Variants in RANBP17 observed in about 807,000 individuals in gnomAD.
RANBP17 encodes RAN binding protein 17, also known as ran-binding protein 17.
In RANBP17, 158 loss-of-function variants were observed where a neutral mutation model predicts 141.2. That is an observed-to-expected ratio of 1.12 (90% CI 0.98 to 1.28). The LOEUF (loss-of-function observed/expected upper bound fraction) is 1.28. Ranked by LOEUF, RANBP17 falls within the 50% of genes most tolerant of loss-of-function variation. The pLI, the probability that RANBP17 is intolerant of heterozygous loss-of-function variation, is 0.00. For synonymous variants in RANBP17, 430 were observed against 450.0 expected (o/e 0.96, Z 0.56); for missense variants, 1,438 against 1,290.7 (o/e 1.11, Z -1.75).
At chr5:170,865,305 C>T (rs914772414) in intron 1 of RANBP17, among the ~76,000 whole-genome samples, 22 of 152,084 alleles carry the variant, frequency 1.4e-4, no homozygotes, top group Admixed American at 7.2e-4. Flanking sequence ...TCAGGTGATC[C>T]GCCCACTTCG....
At chr5:171,283,600 G>A (rs1251875938) in intron 25 of RANBP17, among the ~76,000 whole-genome samples, 1 of 152,134 alleles carries the variant, frequency 6.6e-6, no homozygotes, top group East Asian at 1.9e-4. Flanking sequence ...TTTCTGAAGG[G>A]TCCCATGAAT....
chr5:171,251,990 G>T, intron 24 of RANBP17: 1 of 1,609,498 alleles, frequency 6.2e-7, no homozygotes, highest in Non-Finnish European at 8.5e-7. Flanking sequence ...CTTTATTTTT[G>T]TCGTCCATTT....
At chr5:171,197,665 A>G (rs1762051125) in intron 18 of RANBP17, among the ~76,000 whole-genome samples, 2 of 152,202 alleles carry the variant, frequency 1.3e-5, no homozygotes, top group South Asian at 2.1e-4. Flanking sequence ...TAGTTGTGGT[A>G]TAATGTAAGT....
chr5:170,932,272 T>C (rs995323241), intron 12 of RANBP17, among the ~76,000 whole-genome samples: 1 of 152,228 alleles, frequency 6.6e-6, no homozygotes, highest in Non-Finnish European at 1.5e-5. Context: ...CCTGAGACTT[T>C]GCTGAAGTTG....
intron 5 of RANBP17, chr5:170,904,093 G>T: frequency 2.4e-6 from 1 of 417,304 alleles, no homozygotes; most frequent in Non-Finnish European, 4.6e-6. Flanking sequence ...ATGGTTAGAG[G>T]AAATGTACAG....
chr5:171,256,925 A>G (rs1170923363), intron 24 of RANBP17, among the ~76,000 whole-genome samples: 1 of 152,164 alleles, frequency 6.6e-6, no homozygotes, highest in Admixed American at 6.5e-5. Context: ...AAAAAAAAAA[A>G]ATCCCAGCAA....
intron 12 of RANBP17, among the ~76,000 whole-genome samples, chr5:170,925,290 A>G (rs997370965): frequency 6.6e-6 from 1 of 152,154 alleles, no homozygotes; most frequent in African/African-American, 2.4e-5. Context: ...ACATTTGAAT[A>G]ATGTTTTTTA....
chr5:171,065,003 A>G (rs1173755723), intron 14 of RANBP17, among the ~76,000 whole-genome samples: 2 of 152,096 alleles, frequency 1.3e-5, no homozygotes, highest in African/African-American at 4.8e-5. Context: ...ACATTTTCCA[A>G]CGTATCATCT....
At chr5:170,909,073 G>A (rs1771309167) in intron 5 of RANBP17, among the ~76,000 whole-genome samples, 1 of 151,778 alleles carries the variant, frequency 6.6e-6, no homozygotes, top group Non-Finnish European at 1.5e-5. Context: ...AGGCCTAAGA[G>A]CTAGTCTTAG....
intron 12 of RANBP17, among the ~76,000 whole-genome samples, chr5:170,945,957 G>A (rs1180099831): frequency 1.3e-5 from 2 of 152,122 alleles, no homozygotes; most frequent in Admixed American, 6.5e-5. Context: ...GAGATTGTTG[G>A]ATTATAAGAT....
rs144510579 is a variant in RANBP17 at position 171,220,003 on chromosome 5, G to A, written c.2340-1755G>A. On this transcript the variant is annotated intron_variant, in intron 21 of 27. Transcript: ENST00000523189. ...GTTTTTGGAATTTTCAGTGTTTTTT[G>A]TGCTGGTTTTTCCTCATCTTCGTGT... Among the ~76,000 whole-genome samples, 1,359 of 152,140 alleles carry A rather than the reference G, an allele frequency of 8.9e-3. 20 individuals carry two copies. Among genetic ancestry groups the A allele is most frequent in the South Asian group, 0.026 (124 of 4,810 alleles).
chr5:170,962,748 C>T (rs923365960), intron 13 of RANBP17, among the ~76,000 whole-genome samples: 3 of 152,128 alleles, frequency 2.0e-5, no homozygotes, highest in Admixed American at 6.5e-5. Context: ...AATCTAATTC[C>T]TCAGCAAGTT....
chr5:171,005,906 A>C (rs1464023392), intron 14 of RANBP17, among the ~76,000 whole-genome samples: 2 of 152,014 alleles, frequency 1.3e-5, no homozygotes, highest in Non-Finnish European at 2.9e-5. Context: ...AAGAAAAAAA[A>C]CAAACAACCC....
At chr5:171,180,848 T>C (rs1263184739) in intron 16 of RANBP17, among the ~76,000 whole-genome samples, 1 of 152,204 alleles carries the variant, frequency 6.6e-6, no homozygotes, top group Non-Finnish European at 1.5e-5. Flanking sequence ...ATGAGATTCT[T>C]CCTGTGAATG....
At chr5:170,991,342 A>G (rs984227101) in intron 14 of RANBP17, among the ~76,000 whole-genome samples, 1 of 152,012 alleles carries the variant, frequency 6.6e-6, no homozygotes, top group Non-Finnish European at 1.5e-5. Context: ...AACTGCATAT[A>G]GTCTCTGTTA....
chr5:171,202,799 C>G (rs1390305958), intron 19 of RANBP17, among the ~76,000 whole-genome samples: 1 of 152,158 alleles, frequency 6.6e-6, no homozygotes, highest in Non-Finnish European at 1.5e-5. Flanking sequence ...CATCTTAATT[C>G]TAAAGACAAA....
intron 14 of RANBP17, among the ~76,000 whole-genome samples, chr5:171,021,588 G>A (rs893492764): frequency 4.6e-5 from 7 of 152,016 alleles, no homozygotes; most frequent in Non-Finnish European, 5.9e-5. Flanking sequence ...TATGCTTCAC[G>A]AAGTTCTCCT....
intron 14 of RANBP17, among the ~76,000 whole-genome samples, chr5:171,083,226 T>C (rs1342427536): frequency 6.6e-6 from 1 of 152,298 alleles, no homozygotes; most frequent in East Asian, 1.9e-4. Flanking sequence ...AATATGATGG[T>C]ATTTGGAGGT....
chr5:171,117,388 G>A (rs760425525), intron 14 of RANBP17, among the ~76,000 whole-genome samples: 3 of 152,054 alleles, frequency 2.0e-5, no homozygotes, highest in Non-Finnish European at 4.4e-5. Context: ...ATATTTCATT[G>A]TGGTTTTGAT....
Sources: allele counts gnomAD v4.1 joint callset (sites outside exome capture counted in the v4.1 genomes callset), GRCh38; gene constraint gnomAD v4.1.1; transcripts MANE v1.5; gene names NCBI Gene and HGNC (gene_info 2026-07-23, HGNC 2026-07-21).